Variants in ITGBL1 observed in about 807,000 individuals in gnomAD.
ITGBL1 encodes integrin subunit beta like 1.
A neutral mutation model predicts 68.5 loss-of-function variants in ITGBL1; 51 were observed. The ratio of observed to expected loss-of-function variants is 0.74; its 90% CI spans 0.59 to 0.94. The LOEUF (loss-of-function observed/expected upper bound fraction) is 0.94. ITGBL1 is among the 40% of genes least tolerant of loss of function. The probability of loss-of-function intolerance (pLI) is 0.00; values close to 1 mark genes in which losing one functional copy is unlikely to be tolerated. For missense variants in ITGBL1, 649 were observed against 647.4 expected, an observed-to-expected ratio of 1.00 and a Z score of -0.03; for synonymous variants, 209 against 227.3, an observed-to-expected ratio of 0.92 and a Z score of 0.72.
chr13:101,605,686 A>G (rs1298315148), intron 7 of ITGBL1, among the ~76,000 whole-genome samples: 1 of 151,590 alleles, frequency 6.6e-6, no homozygotes, highest in Non-Finnish European at 1.5e-5. Context: ...GTTTATGCGT[A>G]TACACGTATG....
rs184516547 is a variant in ITGBL1, at chr13:101,545,747, G to A, written c.317-21952G>A. Among the ~76,000 whole-genome samples the A allele has an allele frequency of 2.3e-3, 355 of 152,178 alleles. 2 individuals carry two copies. Among genetic ancestry groups the A allele is most frequent in the Middle Eastern group, 0.014 (4 of 294 alleles). On this transcript the variant is annotated intron_variant, in intron 2 of 10. Transcript: ENST00000376180. ...GAATTTATAGTAACAGCCATCACTG[G>A]GGCCCTCTGCTGGGACTCATGGACC...
chr13:101,609,070 T>G (rs900085862), intron 7 of ITGBL1, among the ~76,000 whole-genome samples: 1 of 152,086 alleles, frequency 6.6e-6, no homozygotes, highest in Non-Finnish European at 1.5e-5. Context: ...TTATGGGTTG[T>G]ATATGCTCTA....
chr13:101,692,483 C>A (rs1447232644), intron 7 of ITGBL1, 102 bp from the exon 8 acceptor site: 2 of 756,792 alleles, frequency 2.6e-6, no homozygotes, highest in East Asian at 2.5e-5. Flanking sequence ...CAGACTGGAA[C>A]TATTCTAGGA....
chr13:101,660,904 AAC>A (rs1052515798), intron 7 of ITGBL1, among the ~76,000 whole-genome samples: 2 of 152,208 alleles, frequency 1.3e-5, no homozygotes, highest in Admixed American at 1.3e-4. Flanking sequence ...GGGATTGAGA[AAC>A]ACAAAACACT....
intron 2 of ITGBL1, among the ~76,000 whole-genome samples, chr13:101,534,801 A>G (rs1446705919): frequency 6.6e-6 from 1 of 152,196 alleles, no homozygotes; most frequent in African/African-American, 2.4e-5. Context: ...TCTGGAGACC[A>G]TGATTTTCAT....
intron 2 of ITGBL1, among the ~76,000 whole-genome samples, chr13:101,479,083 ATAG>A (rs2048578330): frequency 6.6e-6 from 1 of 152,124 alleles, no homozygotes; most frequent in South Asian, 2.1e-4. Context: ...AGTAACCCAA[ATAG>A]TATAGTACTA....
chr13:101,616,724 C>G (rs576316357), intron 7 of ITGBL1, among the ~76,000 whole-genome samples: 2 of 152,320 alleles, frequency 1.3e-5, no homozygotes, highest in African/African-American at 2.4e-5. Flanking sequence ...CTCCTGACTT[C>G]AAGCGATCTA....
chr13:101,499,728 A>G (rs1344069418), intron 2 of ITGBL1, among the ~76,000 whole-genome samples: 1 of 152,238 alleles, frequency 6.6e-6, no homozygotes, highest in African/African-American at 2.4e-5. Flanking sequence ...CCCCATAGGA[A>G]TCTTTACTGG....
intron 4 of ITGBL1, among the ~76,000 whole-genome samples, chr13:101,578,869 A>T (rs575052948): frequency 2.6e-5 from 4 of 152,332 alleles, no homozygotes; most frequent in African/African-American, 7.2e-5. Flanking sequence ...ATGTCTATCT[A>T]GGTAAATATG....
chr13:101,640,244 G>T (rs2032317484), intron 7 of ITGBL1, among the ~76,000 whole-genome samples: 1 of 152,146 alleles, frequency 6.6e-6, no homozygotes, highest in African/African-American at 2.4e-5. Context: ...ACAAGTTAAA[G>T]TTCTTGTTTA....
At chr13:101,481,002 ATGTGTGTG>A (rs71121195) in intron 2 of ITGBL1, among the ~76,000 whole-genome samples, 18,398 of 143,210 alleles carry the variant, frequency 0.13, 1,395 homozygotes, top group East Asian at 0.35. Context: ...GCCAAAAGAT[ATGTGTGTG>A]TGTGTGTGTG....
chr13:101,496,368 C>CT (rs1438879279), intron 2 of ITGBL1, among the ~76,000 whole-genome samples: 2 of 152,142 alleles, frequency 1.3e-5, no homozygotes, highest in African/African-American at 4.8e-5. Flanking sequence ...AATTCCCTCA[C>CT]TGTAAAAGGA....
chr13:101,515,333 AT>A (rs569032063), intron 2 of ITGBL1, among the ~76,000 whole-genome samples: 188 of 145,962 alleles, frequency 1.3e-3, no homozygotes, highest in African/African-American at 1.6e-3. Context: ...AACCCCGGGT[AT>A]TTTTTTTTTT....
At chr13:101,697,478 C>A (rs939097300) in intron 8 of ITGBL1, among the ~76,000 whole-genome samples, 33 of 152,116 alleles carry the variant, frequency 2.2e-4, no homozygotes, top group African/African-American at 7.0e-4. Flanking sequence ...CACTTTGTTG[C>A]ATTTTTTCAT....
At chr13:101,564,230 G>A (rs1291977926) in intron 2 of ITGBL1, among the ~76,000 whole-genome samples, 3 of 151,830 alleles carry the variant, frequency 2.0e-5, no homozygotes, top group Non-Finnish European at 4.4e-5. Flanking sequence ...CAGAATACTT[G>A]ATTTCCATAC....
At chr13:101,498,710 G>C (rs2048893923) in intron 2 of ITGBL1, among the ~76,000 whole-genome samples, 1 of 152,116 alleles carries the variant, frequency 6.6e-6, no homozygotes, top group Non-Finnish European at 1.5e-5. Context: ...TAAACCTCCA[G>C]TCCTTTCTCC....
chr13:101,682,871 A>G (rs542151772), intron 7 of ITGBL1, among the ~76,000 whole-genome samples: 3 of 152,042 alleles, frequency 2.0e-5, no homozygotes, highest in Non-Finnish European at 2.9e-5. Flanking sequence ...CATATTTAGA[A>G]TAGTTTTCTC....
chr13:101,488,092 A>G (rs1308697045), intron 2 of ITGBL1, among the ~76,000 whole-genome samples: 1 of 152,188 alleles, frequency 6.6e-6, no homozygotes, highest in Non-Finnish European at 1.5e-5. Context: ...ATTGGGACTT[A>G]CAGTAAACAG....
intron 2 of ITGBL1, among the ~76,000 whole-genome samples, chr13:101,531,783 G>A (rs553974660): frequency 6.0e-5 from 9 of 150,760 alleles, no homozygotes; most frequent in Non-Finnish European, 8.9e-5. Flanking sequence ...CTCAGGCTGG[G>A]GTGCAGTGGT....
Sources: allele counts gnomAD v4.1 joint callset (sites outside exome capture counted in the v4.1 genomes callset), GRCh38; gene constraint gnomAD v4.1.1; transcripts MANE v1.5; gene names NCBI Gene and HGNC (gene_info 2026-07-23, HGNC 2026-07-21).